ZDHHC20: variants seen among roughly 807,000 people sequenced by gnomAD.
ZDHHC20 encodes the protein zDHHC palmitoyltransferase 20.
ZDHHC20 carries 43 observed loss-of-function variants against 57.8 expected under a neutral mutation model. The ratio of observed to expected loss-of-function variants is 0.74; its 90% CI spans 0.58 to 0.96. The LOEUF (loss-of-function observed/expected upper bound fraction) is 0.96, where lower values mean the gene tolerates loss of function less well. Among genes scored for constraint, ZDHHC20 ranks in the 40% least tolerant of loss-of-function variants. The probability of loss-of-function intolerance (pLI) is 0.00; values close to 1 mark genes in which losing one functional copy is unlikely to be tolerated. For synonymous variants in ZDHHC20, 157 were observed against 153.0 expected (o/e 1.03, Z -0.19); for missense variants, 391 against 441.1 (o/e 0.89, Z 1.02).
intron 1 of ZDHHC20, among the ~76,000 whole-genome samples, chr13:21,429,747 T>G (rs1881698677): frequency 6.6e-6 from 1 of 152,224 alleles, no homozygotes; most frequent in African/African-American, 2.4e-5. Context: ...CTTTTAAAAA[T>G]AGTCCCACAA....
At chr13:21,429,189 A>T (rs1034032955) in intron 1 of ZDHHC20, among the ~76,000 whole-genome samples, 7 of 152,216 alleles carry the variant, frequency 4.6e-5, no homozygotes, top group African/African-American at 1.7e-4. Context: ...GCAAATGGAT[A>T]CATCTTGAGG....
At chr13:21,389,027 G>T (rs1354541602) in intron 8 of ZDHHC20, among the ~76,000 whole-genome samples, 1 of 152,124 alleles carries the variant, frequency 6.6e-6, no homozygotes, top group African/African-American at 2.4e-5. Flanking sequence ...AGCAAATAGA[G>T]AATAACATAT....
intron 8 of ZDHHC20, among the ~76,000 whole-genome samples, chr13:21,389,636 C>T (rs1363768179): frequency 6.6e-6 from 1 of 152,182 alleles, no homozygotes; most frequent in Non-Finnish European, 1.5e-5. Context: ...CAATCTCTCA[C>T]ATACCTACGG....
intron 2 of ZDHHC20, among the ~76,000 whole-genome samples, chr13:21,423,053 C>T (rs1880822332): frequency 6.6e-6 from 1 of 152,142 alleles, no homozygotes; most frequent in African/African-American, 2.4e-5. Flanking sequence ...CTTTGCCCAA[C>T]GTCACTTAGT....
chr13:21,382,935 T>C lies in ZDHHC20; in HGVS notation c.929A>G (p.Asn310Ser), dbSNP rs1387595198. The C allele has an allele frequency of 3.8e-6, 6 of 1,560,172 alleles. No individual in the cohort carries two copies. The highest frequency in any genetic ancestry group is 5.2e-6 in the Non-Finnish European group (6 of 1,151,258). The change falls in exon 10 of 13, where the codon AAT becomes AGT. Residue 310 changes from asparagine to serine, a missense_variant. Asn to Ser is a conservative substitution (Grantham distance 46). Around this residue, in one of 3 missense-constraint regions of ZDHHC20, gnomAD observed 197 missense variants for 220.8 expected, o/e 0.89. Transcript: ENST00000400590. ...DPEQASVTNQ[N>S]EYARSSGSNQ... ...ATAAGCATACCTTCTGGCATACTCA[T>C]TCTGGTTTGTAACAGAAGCTTGTTC...
chr13:21,433,090 G>A (rs1882160712), intron 1 of ZDHHC20, among the ~76,000 whole-genome samples: 1 of 151,990 alleles, frequency 6.6e-6, no homozygotes, highest in South Asian at 2.1e-4. Flanking sequence ...AAAGTATTTT[G>A]GCTATTTTAG....
At position 21,387,654 on chromosome 13, in the gene ZDHHC20, A is replaced by G; in HGVS notation, c.728-20T>C. ...ATGATTCTGTTAAATATACATACAT[A>G]TATAAACTAATTAATCTATTTAAAA... On this transcript the variant is annotated intron_variant, in intron 8 of 12. Coordinates refer to ENST00000400590, the MANE Select transcript of ZDHHC20 (RefSeq NM_001330059.2). The G allele has an allele frequency of 7.5e-7, 1 of 1,336,548 alleles. No individual in the cohort carries two copies. 82.8% of individuals were successfully genotyped at this position (1,336,548 alleles called of 1,614,324 possible).
chr13:21,448,883 T>C (rs374967798), intron 1 of ZDHHC20, among the ~76,000 whole-genome samples: 2 of 91,610 alleles, frequency 2.2e-5, no homozygotes, highest in Non-Finnish European at 5.3e-5. Context: ...AGAAAAATTC[T>C]TCTGCCTTGG....
chr13:21,424,919 T>G (rs1881085149), intron 2 of ZDHHC20, among the ~76,000 whole-genome samples: 1 of 152,214 alleles, frequency 6.6e-6, no homozygotes. Context: ...AAATTAAATT[T>G]AAAGGTAATT....
At chr13:21,387,082 T>A (rs1362867958) in intron 9 of ZDHHC20, among the ~76,000 whole-genome samples, 1 of 152,204 alleles carries the variant, frequency 6.6e-6, no homozygotes, top group Admixed American at 6.5e-5. Context: ...ATCTCAAGAA[T>A]ATACTCTCAT....
intron 1 of ZDHHC20, among the ~76,000 whole-genome samples, chr13:21,442,747 T>C (rs1593273974): frequency 6.6e-6 from 1 of 151,860 alleles, no homozygotes; most frequent in Non-Finnish European, 1.5e-5. Flanking sequence ...AGAGCGAGAC[T>C]CTATCTCAAA....
chr13:21,448,206 C>T (rs1883996048), intron 1 of ZDHHC20, among the ~76,000 whole-genome samples: 3 of 95,058 alleles, frequency 3.2e-5, no homozygotes, highest in Non-Finnish European at 5.2e-5. Context: ...GGGTCAGCCC[C>T]CCGCCCGGCC....
At chr13:21,428,733 G>A (rs9580115) in intron 1 of ZDHHC20, among the ~76,000 whole-genome samples, 24,173 of 151,510 alleles carry the variant, frequency 0.16, 2,603 homozygotes, top group Non-Finnish European at 0.25. Context: ...GGTGGCGTGC[G>A]CCTGTAGTCC....
intron 3 of ZDHHC20, among the ~76,000 whole-genome samples, chr13:21,420,068 C>A (rs1014653783): frequency 1.3e-5 from 2 of 152,126 alleles, no homozygotes; most frequent in Admixed American, 1.3e-4. Context: ...GGGTGGATCA[C>A]CCGAGGCCAG....
rs1247863733 is a variant in ZDHHC20 at position 21,448,660 on chromosome 13, GC to G, written c.118+10393del. On this transcript the variant is annotated intron_variant, in intron 1 of 12. Transcript: ENST00000400590. The stretch of plus-strand genomic sequence containing the variant: ...AGGTGAGGGGCGCCTCTGCCCGGCT[GC>G]CCCTACTGGGAAGTGAGGAGCCCCT... 4.0e-5 allele frequency among the ~76,000 whole-genome samples: 4 copies of G among 98,998 alleles called. 1 individual carries two copies. The highest frequency in any genetic ancestry group is 1.2e-4 in the African/African-American group (4 of 32,468). 64.9% of individuals were successfully genotyped at this position (98,998 alleles called of 152,430 possible).
rs972131528 is a variant in ZDHHC20 at position 21,398,356 on chromosome 13, C to T, written c.594+2017G>A. On this transcript the variant is annotated intron_variant, in intron 7 of 12. Coordinates refer to ENST00000400590, the MANE Select transcript of ZDHHC20 (RefSeq NM_001330059.2). The stretch of plus-strand genomic sequence containing the variant: ...CCGGGTGCCTGTAGTCCCAGCTACT[C>T]GGGAGGCTGAGGCAGCAGAATGGCA... 1.3e-4 allele frequency among the ~76,000 whole-genome samples: 20 copies of T among 151,580 alleles called. 1 individual carries two copies. The highest frequency in any genetic ancestry group is 8.3e-4 in the South Asian group (4 of 4,808).
intron 1 of ZDHHC20, among the ~76,000 whole-genome samples, chr13:21,430,833 T>A (rs1881826927): frequency 6.6e-6 from 1 of 152,162 alleles, no homozygotes; most frequent in Non-Finnish European, 1.5e-5. Context: ...CCCTAGCTGA[T>A]CTGGCTTCTT....
chr13:21,452,621 ATAG>A (rs1213518487), intron 1 of ZDHHC20, among the ~76,000 whole-genome samples: 1 of 152,194 alleles, frequency 6.6e-6, no homozygotes, highest in Non-Finnish European at 1.5e-5. Context: ...CTGTTTAAAC[ATAG>A]TAGCAATACA....
chr13:21,431,792 G>GT (rs1167611311), intron 1 of ZDHHC20, among the ~76,000 whole-genome samples: 4 of 152,162 alleles, frequency 2.6e-5, no homozygotes, highest in South Asian at 2.1e-4. Flanking sequence ...ATGTTCAATG[G>GT]TGCCCCTCTT....
Sources: allele counts gnomAD v4.1 joint callset (sites outside exome capture counted in the v4.1 genomes callset), GRCh38; gene constraint gnomAD v4.1.1; regional missense constraint gnomAD v4.1.1; transcripts MANE v1.5; gene names NCBI Gene and HGNC (gene_info 2026-07-23, HGNC 2026-07-21).